The following DOCK9 variants were observed in gnomAD, a reference collection of about 807,000 sequenced individuals.
DOCK9 encodes dedicator of cytokinesis protein 9.
In DOCK9, 89 loss-of-function variants were observed where a neutral mutation model predicts 263.3. The ratio of observed to expected loss-of-function variants is 0.34; its 90% CI spans 0.28 to 0.40. The LOEUF is 0.40. DOCK9 is among the 10% of genes least tolerant of loss of function. The pLI is 1.00. For missense variants in DOCK9, 2,140 were observed against 2,603.4 expected (o/e 0.82, Z 3.87); for synonymous variants, 976 against 973.1 (o/e 1.00, Z -0.06).
intron 23 of DOCK9, 106 bp from the exon 24 acceptor site, chr13:98,882,113 A>C: frequency 8.8e-6 from 8 of 905,212 alleles, no homozygotes; most frequent in South Asian, 3.1e-5. Flanking sequence ...CTCTAAAACA[A>C]AGGGAAGGCT....
In DOCK9 at chr13:98,914,314, T is replaced by C. The variant is rs373041903; in HGVS notation, c.960+14A>G. On this transcript the variant is annotated intron_variant, in intron 9 of 52. Transcript: ENST00000682017. ...AGCATTCAACGAAGAGCAGAAGATA[T>C]AAGACGATGTTACCTTGGCAAGTTC... 4 of 1,603,712 alleles carry C rather than the reference T, an allele frequency of 2.5e-6. No homozygotes were observed. Among genetic ancestry groups the C allele is most frequent in the African/African-American group, 1.3e-5 (1 of 74,908 alleles).
chr13:98,826,061 T>C, intron 44 of DOCK9: 2 of 692,118 alleles, frequency 2.9e-6, no homozygotes, highest in Non-Finnish European at 4.3e-6. Context: ...TCATTCCAAA[T>C]AGCCAGCTGC....
intron 45 of DOCK9, among the ~76,000 whole-genome samples, chr13:98,822,408 G>T (rs565016495): frequency 1.7e-4 from 26 of 152,292 alleles, no homozygotes; most frequent in African/African-American, 4.6e-4. Flanking sequence ...TGCAGGATAG[G>T]TCACTAAAAA....
intron 7 of DOCK9, among the ~76,000 whole-genome samples, chr13:98,918,096 C>A (rs1427955966): frequency 3.9e-5 from 6 of 152,160 alleles, no homozygotes; most frequent in African/African-American, 1.4e-4. Context: ...GAAAAGTGGA[C>A]AAAATACATG....
chr13:99,056,695 G>A (rs7321315), intron 1 of DOCK9, among the ~76,000 whole-genome samples: 4 of 151,956 alleles, frequency 2.6e-5, no homozygotes, highest in Non-Finnish European at 4.4e-5. Context: ...GTGGCTGCCC[G>A]GCACCTCCCT....
chr13:98,863,592 G>A lies in DOCK9; in HGVS notation c.3287-44C>T, dbSNP rs2093937174. The A allele has an allele frequency of 1.9e-6, 3 of 1,541,356 alleles. No individual in the cohort carries two copies. The East Asian group carries it at 6.9e-5, about 35-fold the overall frequency. On this transcript the variant is annotated intron_variant, in intron 30 of 52. Transcript: ENST00000682017. The stretch of plus-strand genomic sequence containing the variant: ...CTACTTGAGTTAGGAAAGATGCAAT[G>A]CTCTTTGAATAAAACAAACAAACAA...
chr13:98,886,438 G>T, intron 19 of DOCK9, 94 bp downstream of exon 19: 1 of 909,986 alleles, frequency 1.1e-6, no homozygotes, highest in Non-Finnish European at 1.7e-6. Flanking sequence ...AGTGTAATAT[G>T]CAGCTTCTCT....
chr13:98,908,087 C>T (rs1182936067), intron 9 of DOCK9, among the ~76,000 whole-genome samples: 1 of 152,028 alleles, frequency 6.6e-6, no homozygotes, highest in Non-Finnish European at 1.5e-5. Flanking sequence ...GCTTCAGAGT[C>T]TAAACTATTA....
intron 1 of DOCK9, among the ~76,000 whole-genome samples, chr13:99,051,108 T>C (rs1595988206): frequency 6.6e-6 from 1 of 152,138 alleles, no homozygotes; most frequent in East Asian, 1.9e-4. Flanking sequence ...GCCACTGTGT[T>C]CTGTGCAACT....
intron 49 of DOCK9, among the ~76,000 whole-genome samples, chr13:98,801,636 A>T (rs1316341747): frequency 6.6e-6 from 1 of 152,214 alleles, no homozygotes; most frequent in African/African-American, 2.4e-5. Flanking sequence ...AATATCTATA[A>T]TATTCTCACT....
At chr13:98,851,970 T>G (rs935476461) in intron 35 of DOCK9, among the ~76,000 whole-genome samples, 1 of 152,216 alleles carries the variant, frequency 6.6e-6, no homozygotes, top group Non-Finnish European at 1.5e-5. Flanking sequence ...TAAAATTGTT[T>G]TGAAGAGGTG....
At position 98,804,281 on chromosome 13, in the gene DOCK9, G is replaced by A. The variant is rs533159835; in HGVS notation, c.5725+718C>T. On this transcript the variant is annotated intron_variant, in intron 49 of 52. Coordinates refer to ENST00000682017, the MANE Select transcript of DOCK9 (RefSeq NM_001366683.2). ...TATGTTAGGTTACCCCAGTGATGTC[G>A]CTGACCCTAATGAGGCAGGGATGGG... Among the ~76,000 whole-genome samples, 8 of 152,250 alleles carry A rather than the reference G, an allele frequency of 5.3e-5. No homozygotes were observed. In the East Asian group the frequency reaches 7.7e-4, roughly 15 times the overall value.
intron 2 of DOCK9, among the ~76,000 whole-genome samples, chr13:98,932,320 G>A (rs1156864957): frequency 6.6e-5 from 10 of 152,096 alleles, no homozygotes; most frequent in African/African-American, 1.7e-4. Context: ...ACTTGAACCC[G>A]GGAGGCGGAG....
chr13:98,931,341 C>T (rs2053896491), intron 2 of DOCK9, among the ~76,000 whole-genome samples: 2 of 151,098 alleles, frequency 1.3e-5, no homozygotes, highest in Admixed American at 1.3e-4. Flanking sequence ...CTCTGTCGCC[C>T]AGTCTGGAGT....
chr13:98,989,364 AATAATAATAATAATG>A (rs771315823), intron 1 of DOCK9, among the ~76,000 whole-genome samples: 1,480 of 137,314 alleles, frequency 0.011, 22 homozygotes, highest in Admixed American at 0.019. Flanking sequence ...TAATAATAAT[AATAATAATAATAATG>A]ATAATACAGA....
At chr13:98,890,321 C>A (rs1459111126) in intron 15 of DOCK9, among the ~76,000 whole-genome samples, 1 of 151,444 alleles carries the variant, frequency 6.6e-6, no homozygotes, top group East Asian at 1.9e-4. Context: ...TCCCTAGCAT[C>A]TGGTTTTTCC....
intron 1 of DOCK9, chr13:98,959,495 C>T (rs1175660449): frequency 6.6e-6 from 1 of 152,272 alleles, no homozygotes; most frequent in Admixed American, 6.5e-5. Flanking sequence ...ATGACTGACT[C>T]CAGGGAAAAG....
chr13:98,993,631 C>T (rs1415812052), intron 1 of DOCK9, among the ~76,000 whole-genome samples: 6 of 152,286 alleles, frequency 3.9e-5, no homozygotes, highest in Middle Eastern at 6.8e-3. Context: ...CACCTGTAGT[C>T]CCTGGAGGCT....
intron 1 of DOCK9, among the ~76,000 whole-genome samples, chr13:98,992,377 C>T (rs891727312): frequency 5.3e-5 from 8 of 152,146 alleles, no homozygotes; most frequent in Non-Finnish European, 8.8e-5. Context: ...TCCCCCAGGC[C>T]CTCCTCGGAG....
Sources: allele counts gnomAD v4.1 joint callset (sites outside exome capture counted in the v4.1 genomes callset), GRCh38; gene constraint gnomAD v4.1.1; transcripts MANE v1.5; gene names NCBI Gene and HGNC (gene_info 2026-07-23, HGNC 2026-07-21).